The following ATP6V1C2 variants were observed in gnomAD, a reference collection of about 807,000 sequenced individuals.
ATP6V1C2 encodes V-type proton ATPase subunit C 2.
In ATP6V1C2, 45 loss-of-function variants were observed where a neutral mutation model predicts 56.8. That is an observed-to-expected ratio of 0.79 (90% CI 0.62 to 1.02). The LOEUF (loss-of-function observed/expected upper bound fraction) is 1.02. ATP6V1C2 is among the 50% of genes least tolerant of loss of function. The pLI is 0.00. For synonymous variants in ATP6V1C2, 220 were observed against 201.3 expected (o/e 1.09, Z -0.79); for missense variants, 463 against 519.7 (o/e 0.89, Z 1.06).
intron 3 of ATP6V1C2, among the ~76,000 whole-genome samples, chr2:10,751,758 G>C (rs562360657): frequency 5.3e-5 from 8 of 152,130 alleles, no homozygotes; most frequent in Non-Finnish European, 1.0e-4. Context: ...AATGATTATA[G>C]AATGTTTGAT....
intron 3 of ATP6V1C2, among the ~76,000 whole-genome samples, chr2:10,739,822 G>A (rs1016419240): frequency 1.3e-5 from 2 of 151,966 alleles, no homozygotes; most frequent in South Asian, 2.1e-4. Flanking sequence ...ACCAATGGTC[G>A]GGCACAGTGG....
chr2:10,728,201 C>T (rs1163612671), intron 3 of ATP6V1C2, among the ~76,000 whole-genome samples: 1 of 152,146 alleles, frequency 6.6e-6, no homozygotes, highest in Non-Finnish European at 1.5e-5. Context: ...CCTACCTCAG[C>T]CTCCCAATTA....
intron 3 of ATP6V1C2, among the ~76,000 whole-genome samples, chr2:10,738,549 A>G (rs1371053265): frequency 1.3e-5 from 2 of 152,152 alleles, no homozygotes; most frequent in Non-Finnish European, 2.9e-5. Context: ...CCACGGCTCC[A>G]TTGTTCCCCA....
At chr2:10,742,425 G>A (rs972173149) in intron 3 of ATP6V1C2, among the ~76,000 whole-genome samples, 1 of 152,128 alleles carries the variant, frequency 6.6e-6, no homozygotes, top group Non-Finnish European at 1.5e-5. Context: ...CAGTTTGCAG[G>A]GCAGAAACCC....
In ATP6V1C2 at chr2:10,784,842, T is replaced by C; in HGVS notation, c.*1579T>C. ...CGGGTGCACCAGGGCTGAGGTCTGATGGGAAGGACTTGACTCCAGGTGCAG... is the reference window on the plus strand; with the variant it reads ...CGGGTGCACCAGGGCTGAGGTCTGACGGGAAGGACTTGACTCCAGGTGCAG... On this transcript the variant is annotated 3_prime_UTR_variant, in exon 14 of 14. Transcript: ENST00000272238. 3 of 927,224 alleles carry C rather than the reference T, an allele frequency of 3.2e-6. No individual in the cohort carries two copies. The highest frequency in any genetic ancestry group is 5.1e-6 in the Non-Finnish European group (3 of 586,368). The allele number at this position is 927,224 out of a possible 1,614,324, so 57.4% of individuals were successfully genotyped here. A position where few individuals can be genotyped will look rare whatever the true frequency, so the allele number is the denominator to read the frequency against.
chr2:10,777,324 G>A (rs557604660), intron 10 of ATP6V1C2, among the ~76,000 whole-genome samples: 1 of 152,308 alleles, frequency 6.6e-6, no homozygotes, highest in East Asian at 1.9e-4. Flanking sequence ...AGGGAGCTCA[G>A]GGCTGACCCC....
In ATP6V1C2 at chr2:10,784,842, T is replaced by G. The variant is rs577120793; in HGVS notation, c.*1579T>G. The G allele has an allele frequency of 1.9e-5, 18 of 927,224 alleles. No individual in the cohort carries two copies. Among genetic ancestry groups the G allele is most frequent in the Middle Eastern group, 2.6e-4 (1 of 3,786 alleles). The allele number at this position is 927,224 out of a possible 1,614,324, so 57.4% of individuals were successfully genotyped here. A position where few individuals can be genotyped will look rare whatever the true frequency, so the allele number is the denominator to read the frequency against. ...CGGGTGCACCAGGGCTGAGGTCTGA[T>G]GGGAAGGACTTGACTCCAGGTGCAG... is the stretch of plus-strand genomic sequence containing the variant. On this transcript the variant is annotated 3_prime_UTR_variant, in exon 14 of 14. Coordinates refer to ENST00000272238, the MANE Select transcript of ATP6V1C2 (RefSeq NM_001039362.2).
intron 2 of ATP6V1C2, among the ~76,000 whole-genome samples, chr2:10,725,199 A>C (rs1661573052): frequency 6.6e-6 from 1 of 151,894 alleles, no homozygotes; most frequent in African/African-American, 2.4e-5. Context: ...AGATCACTTG[A>C]GGTCAGGAGT....
intron 10 of ATP6V1C2, among the ~76,000 whole-genome samples, chr2:10,775,945 C>T (rs1054523764): frequency 1.2e-4 from 18 of 152,160 alleles, no homozygotes; most frequent in African/African-American, 4.3e-4. Flanking sequence ...TGTGTGAACA[C>T]AGCACTGTGA....
Position 10,777,705 on chromosome 2 carries a change from A to AGT in ATP6V1C2, c.948_949dup (p.Glu317ValfsTer15). Reference sequence around the variant, plus strand: ...GGGGCAGACCGACAGAGAGAGAGAGAGTGAGGGCGAGGGTGAGGTAAGCAA... The same window carrying AGT: ...GGGGCAGACCGACAGAGAGAGAGAGAGTGTGAGGGCGAGGGTGAGGTAAGCAA... On this transcript the variant is annotated frameshift_variant, in exon 11 of 14. Coordinates refer to ENST00000272238, the MANE Select transcript of ATP6V1C2 (RefSeq NM_001039362.2). LOFTEE classifies it high-confidence loss of function. The AGT allele has an allele frequency of 2.5e-6, 4 of 1,611,648 alleles. No individual in the cohort carries two copies. The highest frequency in any genetic ancestry group is 3.4e-6 in the Non-Finnish European group (4 of 1,179,208).
At chr2:10,724,306 T>C (rs949236492) in intron 2 of ATP6V1C2, among the ~76,000 whole-genome samples, 2 of 152,166 alleles carry the variant, frequency 1.3e-5, no homozygotes, top group Non-Finnish European at 2.9e-5. Flanking sequence ...CTACCCCATT[T>C]GCTAACGTTT....
intron 4 of ATP6V1C2, among the ~76,000 whole-genome samples, chr2:10,755,802 T>TA (rs1219207456): frequency 6.6e-6 from 1 of 152,118 alleles, no homozygotes; most frequent in African/African-American, 2.4e-5. Context: ...TGCCGTCCAG[T>TA]AAAAAGAACA....
intron 1 of ATP6V1C2, 134 bp downstream of exon 1, chr2:10,721,865 G>T (rs1661380513): frequency 6.6e-6 from 1 of 152,418 alleles, no homozygotes; most frequent in Non-Finnish European, 1.5e-5. Flanking sequence ...GCTTCCCCGC[G>T]GCCGGGCTGG....
At chr2:10,756,386 A>G (rs1663554472) in intron 4 of ATP6V1C2, among the ~76,000 whole-genome samples, 1 of 151,758 alleles carries the variant, frequency 6.6e-6, no homozygotes, top group Admixed American at 6.6e-5. Flanking sequence ...AACAATAGAT[A>G]ATACTGTATT....
intron 3 of ATP6V1C2, among the ~76,000 whole-genome samples, chr2:10,738,752 C>G (rs1024313848): frequency 1.3e-5 from 2 of 152,150 alleles, no homozygotes; most frequent in African/African-American, 4.8e-5. Context: ...ATTTGTGCAG[C>G]CTTCTGCCTA....
At position 10,783,437 on chromosome 2, in the gene ATP6V1C2, C is replaced by G. The variant is rs559009388; in HGVS notation, c.*174C>G. On this transcript the variant is annotated 3_prime_UTR_variant, in exon 14 of 14. Transcript: ENST00000272238. ...TTTTTAAGTTACAATAAAATGCTCT[C>G]AAGTCCTTTGAATGTTCCAACAAAT... 2.0e-6 allele frequency: 1 copy of G among 500,906 alleles called. No homozygotes were observed. The highest frequency in any genetic ancestry group is 2.8e-5 in the South Asian group (1 of 35,264). 31.0% of individuals were successfully genotyped at this position (500,906 alleles called of 1,614,324 possible).
intron 12 of ATP6V1C2, among the ~76,000 whole-genome samples, 200 bp downstream of exon 12, chr2:10,778,869 C>T (rs1000706962): frequency 6.6e-6 from 1 of 152,218 alleles, no homozygotes; most frequent in African/African-American, 2.4e-5. Flanking sequence ...CTGCTCCCTC[C>T]GTTCCTGCTA....
chr2:10,722,490 C>T (rs548413019), intron 1 of ATP6V1C2, among the ~76,000 whole-genome samples: 42 of 152,178 alleles, frequency 2.8e-4, no homozygotes, highest in African/African-American at 9.4e-4. Flanking sequence ...ACAAATATTC[C>T]CCCAGAAGGT....
At position 10,771,875 on chromosome 2, in the gene ATP6V1C2, G is replaced by C. The variant is rs1664632682; in HGVS notation, c.507G>C (p.Val169=). ...TCACCCGGACACTGAGTGATATTGT[G>C]AGCAAAGAGGACTTCGTGCTGGATT... The part of the protein sequence containing the change: ...NLFTRTLSDI[V]SKEDFVLDSE... Residue 169 remains valine (V), a synonymous_variant, in exon 7 of 14, where the codon GTG becomes GTC. Coordinates refer to ENST00000272238, the MANE Select transcript of ATP6V1C2 (RefSeq NM_001039362.2). 1 of 1,614,190 alleles carries C rather than the reference G, an allele frequency of 6.2e-7. No homozygotes were observed. Among genetic ancestry groups the C allele is most frequent in the East Asian group, 2.2e-5 (1 of 44,876 alleles).
Sources: allele counts gnomAD v4.1 joint callset (sites outside exome capture counted in the v4.1 genomes callset), GRCh38; gene constraint gnomAD v4.1.1; transcripts MANE v1.5; gene names NCBI Gene and HGNC (gene_info 2026-07-23, HGNC 2026-07-21).